VPS37A: variants seen among roughly 807,000 people sequenced by gnomAD.
VPS37A encodes VPS37A subunit of ESCRT-I.
In VPS37A, 30 loss-of-function variants were observed where a neutral mutation model predicts 49.8. The ratio of observed to expected loss-of-function variants is 0.60; its 90% CI spans 0.45 to 0.82. The LOEUF (loss-of-function observed/expected upper bound fraction) is 0.82. Among genes scored for constraint, VPS37A ranks in the 40% least tolerant of loss-of-function variants. The pLI is 0.00. For synonymous variants in VPS37A, 195 were observed against 160.6 expected (o/e 1.21, Z -1.62); for missense variants, 593 against 464.4 (o/e 1.28, Z -2.55).
intron 9 of VPS37A, among the ~76,000 whole-genome samples, chr8:17,281,681 A>G (rs1815067241): frequency 6.6e-6 from 1 of 152,054 alleles, no homozygotes; most frequent in Admixed American, 6.5e-5. Flanking sequence ...AAAAGAAGAA[A>G]TGAAACAGTT....
At chr8:17,276,734 C>A (rs537903451) in intron 6 of VPS37A, among the ~76,000 whole-genome samples, 7 of 151,982 alleles carry the variant, frequency 4.6e-5, no homozygotes, top group Non-Finnish European at 1.0e-4. Flanking sequence ...GTCATGTGGC[C>A]TGCATTCTTT....
chr8:17,331,015 A>C, the VPS37A span: 3 of 1,056,878 alleles, frequency 2.8e-6, no homozygotes, highest in Non-Finnish European at 4.0e-6. Flanking sequence ...GTGTTTAAAA[A>C]GCCACTGTAA....
intron 6 of VPS37A, among the ~76,000 whole-genome samples, chr8:17,278,452 CTTATA>C (rs1814732632): frequency 6.6e-6 from 1 of 151,946 alleles, no homozygotes; most frequent in African/African-American, 2.4e-5. Context: ...AATTTTTCCC[CTTATA>C]TTATCACCTG....
At chr8:17,247,612 T>C (rs1048851602) in intron 1 of VPS37A, 2 of 707,268 alleles carry the variant, frequency 2.8e-6, no homozygotes, top group African/African-American at 3.5e-5. Flanking sequence ...TCATCCCTCC[T>C]GACACATAGC....
At position 17,295,738 on chromosome 8, in the gene VPS37A, T is replaced by A. The variant is rs780714015; in HGVS notation, c.*752T>A. 5 of 152,250 alleles carry A rather than the reference T, an allele frequency of 3.3e-5. No homozygotes were observed. Among genetic ancestry groups the A allele is most frequent in the Non-Finnish European group, 7.3e-5 (5 of 68,032 alleles). 9.4% of individuals were successfully genotyped at this position (152,250 alleles called of 1,614,324 possible). A position where few individuals can be genotyped will look rare whatever the true frequency, so the allele number is the denominator to read the frequency against. ...TGGTAGGTTTGTGGTTGGATAGGTT[T>A]TCTAAATTCCTAATGTTAAAAACAA... On this transcript the variant is annotated 3_prime_UTR_variant, in exon 12 of 12. Coordinates refer to ENST00000324849, the MANE Select transcript of VPS37A (RefSeq NM_152415.3).
the VPS37A span, among the ~76,000 whole-genome samples, chr8:17,317,403 T>C: frequency 0.27 from 41,166 of 151,968 alleles, 6,582 homozygotes; most frequent in African/African-American, 0.44. Context: ...TGGATGCCAG[T>C]GTCCTAAGAG....
intron 1 of VPS37A, among the ~76,000 whole-genome samples, chr8:17,263,625 T>C (rs1813167969): frequency 1.3e-5 from 2 of 152,208 alleles, no homozygotes; most frequent in Admixed American, 6.5e-5. Context: ...ATCAAATTTA[T>C]TTTAATATGT....
At chr8:17,324,160 C>A in the VPS37A span, among the ~76,000 whole-genome samples, 105 of 152,300 alleles carry the variant, frequency 6.9e-4, 1 homozygote, top group African/African-American at 2.4e-3. Context: ...GCCATGATTT[C>A]TGCTCTAGGT....
chr8:17,298,927 C>G (rs1816917418), downstream of VPS37A: 1 of 152,158 alleles, frequency 6.6e-6, no homozygotes. Flanking sequence ...GATTACAAAA[C>G]CTATTCCCTT....
At chr8:17,263,962 T>C (rs985397178) in intron 1 of VPS37A, among the ~76,000 whole-genome samples, 14 of 152,128 alleles carry the variant, frequency 9.2e-5, no homozygotes, top group Middle Eastern at 3.2e-3. Flanking sequence ...CAAAAAACTT[T>C]AATACTATAA....
At chr8:17,280,870 C>A (rs1172021589) in intron 9 of VPS37A, among the ~76,000 whole-genome samples, 3 of 151,562 alleles carry the variant, frequency 2.0e-5, no homozygotes, top group Admixed American at 2.0e-4. Flanking sequence ...TGCTAGAAAT[C>A]CAGTTATGTG....
downstream of VPS37A, chr8:17,298,223 CAAGGTATTCCCTATTACATATAGT>C (rs1816862950): frequency 6.6e-6 from 1 of 151,934 alleles, no homozygotes; most frequent in African/African-American, 2.4e-5. Context: ...TTTATTTTAG[CAAGGTATTCCCTATTACATATAGT>C]ATATTGCAGA....
intron 1 of VPS37A, 137 bp from the exon 2 acceptor site, chr8:17,265,770 G>C: frequency 6.5e-7 from 1 of 1,541,064 alleles, no homozygotes; most frequent in African/African-American, 1.4e-5. Context: ...TTCCCCTCAA[G>C]ATACAAGTTA....
chr8:17,303,028 C>T (rs1817230841), downstream of VPS37A, among the ~76,000 whole-genome samples: 1 of 151,910 alleles, frequency 6.6e-6, no homozygotes, highest in South Asian at 2.1e-4. Flanking sequence ...CCCTTTTTAT[C>T]CTACACAAAA....
rs542292725 is a variant in VPS37A, at chr8:17,292,467, T to TTA, written c.*1-2519_*1-2518dup. Among the ~76,000 whole-genome samples, 321 of 152,280 alleles carry TTA rather than the reference T, an allele frequency of 2.1e-3. 2 individuals carry two copies. Among genetic ancestry groups the TTA allele is most frequent in the Non-Finnish European group, 3.3e-3 (224 of 68,012 alleles). On this transcript the variant is annotated intron_variant, in intron 11 of 11. Coordinates refer to ENST00000324849, the MANE Select transcript of VPS37A (RefSeq NM_152415.3). ...ATTGGGGCATTTAGCCCGTTTAAGG[T>TTA]TAATATTGTTATGTGTGAATTTGAT...
chr8:17,273,951 A>G (rs983180920), intron 4 of VPS37A, among the ~76,000 whole-genome samples: 1 of 152,154 alleles, frequency 6.6e-6, no homozygotes, highest in Admixed American at 6.5e-5. Flanking sequence ...CTTATCCTTT[A>G]CACTAGAGTG....
the VPS37A span, among the ~76,000 whole-genome samples, chr8:17,308,021 A>C: frequency 6.6e-6 from 1 of 150,838 alleles, no homozygotes; most frequent in African/African-American, 2.5e-5. Context: ...CATGTACCCT[A>C]AAACAAAGTA....
intron 6 of VPS37A, among the ~76,000 whole-genome samples, chr8:17,279,315 C>G (rs1814810459): frequency 6.6e-6 from 1 of 152,068 alleles, no homozygotes; most frequent in African/African-American, 2.4e-5. Flanking sequence ...CTAAAGCTGA[C>G]TAGAGGAAAA....
the VPS37A span, among the ~76,000 whole-genome samples, chr8:17,308,060 T>TAAAGG: frequency 8.9e-6 from 1 of 112,680 alleles, no homozygotes; most frequent in East Asian, 2.2e-4. Flanking sequence ...AAAATAAAAA[T>TAAAGG]AAAATGAGGA....
Sources: gnomAD v4.1 joint callset for allele counts (sites outside exome capture counted in the v4.1 genomes callset) on GRCh38, gnomAD v4.1.1 for gene constraint, MANE v1.5 for transcripts, NCBI Gene and HGNC (gene_info 2026-07-23, HGNC 2026-07-21) for gene names.